BRINP3: variants seen among roughly 807,000 people sequenced by gnomAD.
BRINP3 encodes the protein BMP/retinoic acid inducible neural specific 3, also known as BMP/retinoic acid-inducible neural-specific protein 3.
Under a neutral mutation model 71.0 loss-of-function variants are expected in BRINP3, and 19 were observed. The observed-to-expected ratio is 0.27, with a 90% confidence interval of 0.19 to 0.39. The LOEUF is 0.39. BRINP3 is among the 10% of genes least tolerant of loss of function. The pLI is 1.00. For missense variants in BRINP3, 959 were observed against 940.8 expected, an observed-to-expected ratio of 1.02 and a Z score of -0.25; for synonymous variants, 380 against 337.7, an observed-to-expected ratio of 1.13 and a Z score of -1.37.
At chr1:190,130,240 C>T (rs1460993278) in intron 7 of BRINP3, among the ~76,000 whole-genome samples, 1 of 151,924 alleles carries the variant, frequency 6.6e-6, no homozygotes, top group African/African-American at 2.4e-5. Context: ...TCCTCTGTTT[C>T]TTGTGGCCTG....
At chr1:190,463,124 A>G (rs1676504771) in intron 1 of BRINP3, among the ~76,000 whole-genome samples, 1 of 151,832 alleles carries the variant, frequency 6.6e-6, no homozygotes, top group Non-Finnish European at 1.5e-5. Flanking sequence ...TCTGTTCCTC[A>G]GAAAAATTGT....
At chr1:190,196,239 C>T (rs1181871793) in intron 6 of BRINP3, among the ~76,000 whole-genome samples, 1 of 152,114 alleles carries the variant, frequency 6.6e-6, no homozygotes, top group African/African-American at 2.4e-5. Flanking sequence ...ATTCCACTCA[C>T]CTACCAATAG....
chr1:190,445,914 G>A (rs1211932011), intron 2 of BRINP3, among the ~76,000 whole-genome samples: 4 of 152,044 alleles, frequency 2.6e-5, no homozygotes, highest in African/African-American at 9.7e-5. Flanking sequence ...GTAAATAATT[G>A]TGTTAACTAG....
intron 2 of BRINP3, among the ~76,000 whole-genome samples, chr1:190,344,956 T>C (rs1481230011): frequency 6.6e-6 from 1 of 151,890 alleles, no homozygotes; most frequent in Non-Finnish European, 1.5e-5. Context: ...ACTATATAAT[T>C]GGCTTTAATA....
intron 6 of BRINP3, among the ~76,000 whole-genome samples, chr1:190,197,437 T>C (rs1450119556): frequency 6.6e-6 from 1 of 152,126 alleles, no homozygotes; most frequent in Non-Finnish European, 1.5e-5. Flanking sequence ...AGCAAGGCAA[T>C]TCCCTTCCAT....
At chr1:190,104,177 A>G (rs960998934) in intron 7 of BRINP3, among the ~76,000 whole-genome samples, 3 of 152,032 alleles carry the variant, frequency 2.0e-5, no homozygotes, top group African/African-American at 7.2e-5. Context: ...TTGCCATAGC[A>G]GGACAACATC....
intron 2 of BRINP3, among the ~76,000 whole-genome samples, chr1:190,376,427 TG>T (rs904759588): frequency 6.6e-6 from 1 of 152,072 alleles, no homozygotes; most frequent in African/African-American, 2.4e-5. Flanking sequence ...ATCATCTGTC[TG>T]CCTACTTATT....
intron 2 of BRINP3, among the ~76,000 whole-genome samples, chr1:190,440,142 C>A (rs1453171186): frequency 6.6e-6 from 1 of 151,840 alleles, no homozygotes; most frequent in Admixed American, 6.6e-5. Context: ...AAAATCCATT[C>A]ATATGATTTG....
intron 2 of BRINP3, among the ~76,000 whole-genome samples, chr1:190,440,787 A>C (rs967684144): frequency 6.6e-6 from 1 of 152,004 alleles, no homozygotes; most frequent in Non-Finnish European, 1.5e-5. Context: ...TTAACTTAAA[A>C]GTCAATTGGA....
chr1:190,325,346 A>C (rs1285775550), intron 2 of BRINP3, among the ~76,000 whole-genome samples: 1 of 152,018 alleles, frequency 6.6e-6, no homozygotes, highest in Non-Finnish European at 1.5e-5. Flanking sequence ...TAGATCTGGA[A>C]TATCGCTGCC....
At chr1:190,453,434 G>C (rs1037740486) in intron 2 of BRINP3, among the ~76,000 whole-genome samples, 21 of 150,750 alleles carry the variant, frequency 1.4e-4, no homozygotes, top group African/African-American at 4.9e-4. Flanking sequence ...TTGGAAGATG[G>C]TCTGCATCTC....
intron 2 of BRINP3, among the ~76,000 whole-genome samples, chr1:190,408,030 T>TTC (rs1672404171): frequency 2.9e-5 from 4 of 138,286 alleles, no homozygotes; most frequent in Admixed American, 2.9e-4. Context: ...TTTTTTTTTT[T>TTC]TTTTTTTTTG....
Position 190,459,439 on chromosome 1 carries a change from A to T in BRINP3, c.-50-4499T>A, listed in dbSNP as rs1676236649. On this transcript the variant is annotated intron_variant, in intron 1 of 7. Transcript: ENST00000367462. ...TTGAAATTCATAAATATTGAAATTT[A>T]TGAAAGAAATATTTACTATAACAGT... Among the ~76,000 whole-genome samples, 3 of 151,912 alleles carry T rather than the reference A, an allele frequency of 2.0e-5. No individual in the cohort carries two copies. The South Asian group carries it at 6.2e-4, about 31-fold the overall frequency.
chr1:190,266,206 T>C (rs1003303185), intron 3 of BRINP3, among the ~76,000 whole-genome samples: 1 of 152,188 alleles, frequency 6.6e-6, no homozygotes, highest in African/African-American at 2.4e-5. Context: ...TATAAACTAA[T>C]AAGTCACTTT....
At chr1:190,196,291 G>C (rs1654472136) in intron 6 of BRINP3, among the ~76,000 whole-genome samples, 1 of 152,068 alleles carries the variant, frequency 6.6e-6, no homozygotes, top group Non-Finnish European at 1.5e-5. Flanking sequence ...TTAGTCAGCT[G>C]TGGCAGATAG....
chr1:190,231,543 A>T (rs1187743616), intron 5 of BRINP3, among the ~76,000 whole-genome samples: 3 of 151,842 alleles, frequency 2.0e-5, no homozygotes, highest in Non-Finnish European at 4.4e-5. Flanking sequence ...ACTTTTCATT[A>T]TTCTGGTTAT....
chr1:190,327,996 G>A (rs532689293), intron 2 of BRINP3, among the ~76,000 whole-genome samples: 75 of 152,104 alleles, frequency 4.9e-4, no homozygotes, highest in Middle Eastern at 3.4e-3. Flanking sequence ...AAGATATCTC[G>A]AAACCACACA....
chr1:190,302,913 A>G (rs1158835090), intron 2 of BRINP3: 1 of 151,764 alleles, frequency 6.6e-6, no homozygotes, highest in Non-Finnish European at 1.5e-5. Flanking sequence ...ATTAATGATG[A>G]TAATAATAAT....
At chr1:190,143,873 C>T (rs542486275) in intron 7 of BRINP3, among the ~76,000 whole-genome samples, 6 of 152,226 alleles carry the variant, frequency 3.9e-5, no homozygotes, top group Middle Eastern at 3.4e-3. Flanking sequence ...GATTGGTAAT[C>T]TGAAAGTTAT....
Sources: allele counts gnomAD v4.1 joint callset (sites outside exome capture counted in the v4.1 genomes callset), GRCh38; gene constraint gnomAD v4.1.1; transcripts MANE v1.5; gene names NCBI Gene and HGNC (gene_info 2026-07-23, HGNC 2026-07-21).